MT1X: variants seen among roughly 807,000 people sequenced by gnomAD.
MT1X encodes metallothionein 1X.
MT1X carries 7 observed loss-of-function variants against 8.6 expected under a neutral mutation model. That is an observed-to-expected ratio of 0.81 (90% CI 0.46 to 1.52). The LOEUF (loss-of-function observed/expected upper bound fraction) is 1.52, where lower values mean the gene tolerates loss of function less well. MT1X is among the 40% of genes most tolerant of loss of function. The pLI, the probability that MT1X is intolerant of heterozygous loss-of-function variation, is 0.01. For missense variants in MT1X, 72 were observed against 74.3 expected (o/e 0.97, Z 0.11); for synonymous variants, 25 against 27.6 (o/e 0.91, Z 0.30).
At chr16:56,683,397 G>T in intron 2 of MT1X, 167 bp downstream of exon 2, 1 of 712,464 alleles carries the variant, frequency 1.4e-6, no homozygotes, top group South Asian at 1.8e-5. Flanking sequence ...GTGAGTCCCA[G>T]CCTCTTATTA....
chr16:56,683,007 G>A (rs1961019721), intron 1 of MT1X, 158 bp from the exon 2 acceptor site: 1 of 840,426 alleles, frequency 1.2e-6, no homozygotes, highest in African/African-American at 1.7e-5. Flanking sequence ...AAAATGAAGG[G>A]AGAGGAGATG....
intron 1 of MT1X, 175 bp from the exon 2 acceptor site, chr16:56,682,990 C>A: frequency 1.3e-6 from 1 of 751,320 alleles, no homozygotes; most frequent in Non-Finnish European, 2.2e-6. Context: ...GAACACTTGC[C>A]CTTCCCAAAA....
At chr16:56,683,721 C>T in intron 2 of MT1X, 2 of 560,120 alleles carry the variant, frequency 3.6e-6, no homozygotes, top group Admixed American at 3.3e-5. Context: ...TGTTCCTGTA[C>T]CCCCAATCAC....
intron 2 of MT1X, chr16:56,683,754 G>T (rs1961029942): frequency 2.8e-6 from 2 of 705,298 alleles, no homozygotes; most frequent in African/African-American, 3.6e-5. Context: ...CTTCTGTCCT[G>T]TCCCAGACTC....
At chr16:56,683,037 CT>C (rs1160971208) in intron 1 of MT1X, 127 bp from the exon 2 acceptor site, 6 of 1,130,832 alleles carry the variant, frequency 5.3e-6, no homozygotes, top group Non-Finnish European at 7.8e-6. Context: ...TTCCTCTCCC[CT>C]GAGTGGGAAA....
At position 56,683,239 on chromosome 16, in the gene MT1X, AG is replaced by A; in HGVS notation, c.94+12del. 1 of 1,613,130 alleles carries A rather than the reference AG, an allele frequency of 6.2e-7. No individual in the cohort carries two copies. The highest frequency in any genetic ancestry group is 8.5e-7 in the Non-Finnish European group (1 of 1,179,184). On this transcript the variant is annotated intron_variant, in intron 2 of 2. Coordinates refer to ENST00000394485, the MANE Select transcript of MT1X (RefSeq NM_005952.4). ...CACCTCCTGCAAGAAGAGTGAGTGC[AG>A]GGCCTTCCCTGCGAATCTGGGGGAT...
At chr16:56,682,926 C>A in intron 1 of MT1X, 1 of 605,204 alleles carries the variant, frequency 1.7e-6, no homozygotes, top group Non-Finnish European at 2.9e-6. Context: ...CCTGTCTTAG[C>A]CTTCCTGGGC....
At chr16:56,683,427 C>A in intron 2 of MT1X, 197 bp downstream of exon 2, 1 of 593,400 alleles carries the variant, frequency 1.7e-6, no homozygotes, top group Non-Finnish European at 2.9e-6. Context: ...AAACTGAGGC[C>A]CAGAGAGGTT....
In MT1X at chr16:56,683,967, C is replaced by A. The variant is rs1367788619; in HGVS notation, c.104C>A (p.Ser35Tyr). Residue 35 changes from serine to tyrosine, a missense_variant, in exon 3 of 3, where the codon TCC (serine) becomes TAC (tyrosine). By Grantham distance (144) the Ser-to-Tyr change is moderately radical. Transcript: ENST00000394485. ...KCTSCKKSCCSCCPVGCAKCA... is the reference protein window; with the variant it reads ...KCTSCKKSCCYCCPVGCAKCA... Reference sequence around the variant, plus strand: ...TCCCCTTCTTCTCCAGGCTGCTGCTCCTGCTGCCCTGTGGGCTGTGCCAAG... The same window carrying A: ...TCCCCTTCTTCTCCAGGCTGCTGCTACTGCTGCCCTGTGGGCTGTGCCAAG... 6.2e-7 allele frequency: 1 copy of A among 1,614,040 alleles called. No homozygotes were observed. The highest frequency in any genetic ancestry group is 8.5e-7 in the Non-Finnish European group (1 of 1,180,008).
At chr16:56,683,647 C>T in intron 2 of MT1X, 3 of 412,624 alleles carry the variant, frequency 7.3e-6, no homozygotes, top group Non-Finnish European at 8.7e-6. Flanking sequence ...CAGGGATTTG[C>T]CCCCTGTCCG....
Position 56,682,475 on chromosome 16 carries a change from G to T in MT1X, c.-66G>T, listed in dbSNP as rs1281953044. On this transcript the variant is annotated 5_prime_UTR_variant, in exon 1 of 3. Coordinates refer to ENST00000394485, the MANE Select transcript of MT1X (RefSeq NM_005952.4). ...GCCGCCGGCTTCTGGGCTCCACCAC[G>T]CTTTTCATCTGTCCCGCTGCGTGTT... 22 of 1,597,156 alleles carry T rather than the reference G, an allele frequency of 1.4e-5. No homozygotes were observed. Among genetic ancestry groups the T allele is most frequent in the Non-Finnish European group, 1.8e-5 (21 of 1,165,052 alleles).
Position 56,682,823 on chromosome 16 carries a change from C to A in MT1X, c.28+255C>A, listed in dbSNP as rs45460694. ...GTTGGTCAGGGGGCTGCTGGCTGAG[C>A]CCCAATGCTCTGACCAGGCTCTGAG... is the stretch of plus-strand genomic sequence containing the variant. On this transcript the variant is annotated intron_variant, in intron 1 of 2. Coordinates refer to ENST00000394485, the MANE Select transcript of MT1X (RefSeq NM_005952.4). The A allele has an allele frequency of 6.2e-3, 3,715 of 598,832 alleles. 36 individuals are homozygous for A. The highest frequency in any genetic ancestry group is 0.022 in the South Asian group (1,078 of 48,170). 37.1% of individuals were successfully genotyped at this position (598,832 alleles called of 1,614,324 possible). A position where few individuals can be genotyped will look rare whatever the true frequency, so the allele number is the denominator to read the frequency against.
intron 1 of MT1X, 58 bp from the exon 2 acceptor site, chr16:56,683,107 A>G (rs1018199070): frequency 2.6e-5 from 41 of 1,601,768 alleles, no homozygotes; most frequent in Non-Finnish European, 3.2e-5. Flanking sequence ...GTTATTGACC[A>G]GCTGCTGTAC....
chr16:56,683,901 G>A, intron 2 of MT1X, 57 bp from the exon 3 acceptor site: 1 of 1,610,344 alleles, frequency 6.2e-7, no homozygotes. Context: ...CTCTGTTGGG[G>A]CAGGGAGGTG....
At chr16:56,682,755 T>G in intron 1 of MT1X, 187 bp downstream of exon 1, 1 of 707,904 alleles carries the variant, frequency 1.4e-6, no homozygotes, top group East Asian at 2.7e-5. Context: ...AAGTTAGAGT[T>G]GAGGGTACTG....
At chr16:56,682,929 T>C in intron 1 of MT1X, 1 of 609,256 alleles carries the variant, frequency 1.6e-6, no homozygotes, top group Non-Finnish European at 2.9e-6. Flanking sequence ...GTCTTAGCCT[T>C]CCTGGGCTGT....
chr16:56,684,103 ATTTTTTTTT>A lies in MT1X; in HGVS notation c.*66_*74del, dbSNP rs34700091. 11 of 1,276,054 alleles carry A rather than the reference ATTTTTTTTT, an allele frequency of 8.6e-6. No individual in the cohort carries two copies. Among genetic ancestry groups the A allele is most frequent in the Non-Finnish European group, 1.1e-5 (11 of 959,662 alleles). 79.0% of individuals were successfully genotyped at this position (1,276,054 alleles called of 1,614,324 possible). On this transcript the variant is annotated 3_prime_UTR_variant, in exon 3 of 3. Transcript: ENST00000394485. ...AATAGAGCAACCTATATAAACCTGGATTTTTTTTTTTTTTTTTTTTGTACAACCCTGACC... is the reference window on the plus strand; with the variant it reads ...AATAGAGCAACCTATATAAACCTGGATTTTTTTTTTTGTACAACCCTGACC...
rs1380823466 is a variant in MT1X at position 56,682,477 on chromosome 16, T to G, written c.-64T>G. On this transcript the variant is annotated 5_prime_UTR_variant, in exon 1 of 3. Transcript: ENST00000394485. ...CGCCGGCTTCTGGGCTCCACCACGC[T>G]TTTCATCTGTCCCGCTGCGTGTTTT... is the stretch of plus-strand genomic sequence containing the variant. The G allele has an allele frequency of 1.2e-6, 2 of 1,602,894 alleles. No individual in the cohort carries two copies. Among genetic ancestry groups the G allele is most frequent in the South Asian group, 2.2e-5 (2 of 90,818 alleles).
chr16:56,683,646 G>A (rs45612232), intron 2 of MT1X: 7,778 of 411,660 alleles, frequency 0.019, 270 homozygotes, highest in African/African-American at 0.094. Flanking sequence ...TCAGGGATTT[G>A]CCCCCTGTCC....
Sources: gnomAD v4.1 joint callset for allele counts on GRCh38, gnomAD v4.1.1 for gene constraint, MANE v1.5 for transcripts, NCBI Gene and HGNC (gene_info 2026-07-23, HGNC 2026-07-21) for gene names.